The following BMPER variants were observed in gnomAD, a reference collection of about 807,000 sequenced individuals.
BMPER encodes BMP binding endothelial regulator.
BMPER carries 45 observed loss-of-function variants against 87.3 expected under a neutral mutation model. The ratio of observed to expected loss-of-function variants is 0.52; its 90% CI spans 0.41 to 0.66. BMPER has a LOEUF of 0.66. BMPER is among the 30% of genes least tolerant of loss of function. The pLI, the probability that BMPER is intolerant of heterozygous loss-of-function variation, is 0.00. For synonymous variants in BMPER, 326 were observed against 316.2 expected (o/e 1.03, Z -0.33); for missense variants, 784 against 867.5 (o/e 0.90, Z 1.21).
At chr7:34,079,528 C>T (rs1023611874) in intron 12 of BMPER, among the ~76,000 whole-genome samples, 1 of 152,188 alleles carries the variant, frequency 6.6e-6, no homozygotes, top group African/African-American at 2.4e-5. Flanking sequence ...TTTTGTTGCT[C>T]TTTTAGGCCG....
At chr7:34,116,861 A>T (rs1160403482) in intron 13 of BMPER, among the ~76,000 whole-genome samples, 1 of 152,016 alleles carries the variant, frequency 6.6e-6, no homozygotes, top group East Asian at 1.9e-4. Flanking sequence ...GTGGTGGTGC[A>T]CACCTGTAAT....
intron 13 of BMPER, among the ~76,000 whole-genome samples, chr7:34,097,544 G>A (rs887339104): frequency 1.3e-5 from 2 of 152,058 alleles, no homozygotes; most frequent in East Asian, 1.9e-4. Context: ...CATAGCCTAT[G>A]TGTTAGGTCC....
chr7:33,985,539 A>G (rs985480511), intron 6 of BMPER, among the ~76,000 whole-genome samples: 5 of 152,138 alleles, frequency 3.3e-5, no homozygotes, highest in African/African-American at 9.7e-5. Context: ...AACGAATCAA[A>G]TATCTTAAGG....
chr7:33,927,986 G>A (rs1784398943), intron 2 of BMPER, among the ~76,000 whole-genome samples: 1 of 152,176 alleles, frequency 6.6e-6, no homozygotes, highest in Non-Finnish European at 1.5e-5. Context: ...ATAACCAGAG[G>A]TGTTGAGGAA....
chr7:33,974,866 C>T (rs545354235), intron 6 of BMPER, 82 bp downstream of exon 6: 1 of 1,327,980 alleles, frequency 7.5e-7, no homozygotes, highest in Admixed American at 1.7e-5. Context: ...CCGGTCTCTA[C>T]AGCCTCTCTC....
intron 2 of BMPER, among the ~76,000 whole-genome samples, chr7:33,930,108 G>A (rs1349571975): frequency 6.6e-6 from 1 of 152,190 alleles, no homozygotes; most frequent in Non-Finnish European, 1.5e-5. Context: ...GAGGTCTTGG[G>A]TGAAACCACT....
rs928097381 is a variant in BMPER at position 34,021,227 on chromosome 7, T to C, written c.577-25079T>C. Among the ~76,000 whole-genome samples, 7 of 152,074 alleles carry C rather than the reference T, an allele frequency of 4.6e-5. No individual in the cohort carries two copies. The South Asian group carries it at 1.4e-3, about 31-fold the overall frequency. ...GATGTTTGTTATCCCATGAATTCTT[T>C]GGCAACACTGAATGATCAATTGTAA... On this transcript the variant is annotated intron_variant, in intron 6 of 14. Transcript: ENST00000649409.
intron 12 of BMPER, among the ~76,000 whole-genome samples, 170 bp from the exon 13 acceptor site, chr7:34,085,586 C>T (rs1370679876): frequency 6.6e-6 from 1 of 152,184 alleles, no homozygotes; most frequent in Non-Finnish European, 1.5e-5. Flanking sequence ...GATAATTTCA[C>T]ACATTATTCA....
chr7:34,147,724 C>A (rs1336201542), intron 14 of BMPER, among the ~76,000 whole-genome samples: 2 of 152,208 alleles, frequency 1.3e-5, no homozygotes, highest in African/African-American at 4.8e-5. Context: ...CCTGCCTCAG[C>A]CTCCTAAAGT....
intron 11 of BMPER, among the ~76,000 whole-genome samples, chr7:34,069,566 A>T (rs1169480762): frequency 6.6e-6 from 1 of 152,184 alleles, no homozygotes; most frequent in Non-Finnish European, 1.5e-5. Flanking sequence ...GTGGTCAGCT[A>T]ATACACTGGC....
At chr7:34,069,798 G>A (rs1788691314) in intron 11 of BMPER, among the ~76,000 whole-genome samples, 2 of 152,008 alleles carry the variant, frequency 1.3e-5, no homozygotes, top group Admixed American at 6.5e-5. Flanking sequence ...AGTCTCTTAG[G>A]TTACAATACT....
intron 4 of BMPER, 139 bp from the exon 5 acceptor site, chr7:33,970,190 T>A: frequency 1.3e-6 from 1 of 779,118 alleles, no homozygotes; most frequent in Non-Finnish European, 2.3e-6. Flanking sequence ...CTCGTTGGTG[T>A]CTCATACCTC....
intron 3 of BMPER, among the ~76,000 whole-genome samples, chr7:33,956,456 A>G (rs907074119): frequency 2.0e-5 from 3 of 152,204 alleles, no homozygotes; most frequent in African/African-American, 7.2e-5. Flanking sequence ...AAAAATGTAA[A>G]CATCGAACCC....
At chr7:34,048,276 GCTT>G (rs1788043365) in intron 7 of BMPER, among the ~76,000 whole-genome samples, 1 of 151,924 alleles carries the variant, frequency 6.6e-6, no homozygotes, top group Admixed American at 6.6e-5. Context: ...CTCTTTGATG[GCTT>G]CTTCTGCTAA....
intron 13 of BMPER, among the ~76,000 whole-genome samples, chr7:34,116,201 T>G (rs4723351): frequency 0.59 from 89,837 of 152,092 alleles, 26,994 homozygotes; most frequent in East Asian, 0.83. Context: ...GGGACCTTCC[T>G]GTCTTATTTA....
intron 13 of BMPER, among the ~76,000 whole-genome samples, chr7:34,102,562 C>T (rs900724229): frequency 1.3e-5 from 2 of 152,182 alleles, no homozygotes; most frequent in African/African-American, 4.8e-5. Flanking sequence ...TAACCACATA[C>T]ATAGAGTGGA....
chr7:34,067,704 C>T (rs1788629607), intron 11 of BMPER, among the ~76,000 whole-genome samples: 1 of 152,192 alleles, frequency 6.6e-6, no homozygotes, highest in South Asian at 2.1e-4. Context: ...TGACACTGTT[C>T]CTCAGGCCCA....
intron 2 of BMPER, chr7:33,921,738 GGACGAAGCT>G (rs1784234428): frequency 2.1e-6 from 1 of 470,942 alleles, no homozygotes; most frequent in Non-Finnish European, 4.4e-6. Flanking sequence ...AGCAGCTGCA[GGACGAAGCT>G]GACGTGACGT....
chr7:34,074,571 G>A (rs1788815724), intron 11 of BMPER, among the ~76,000 whole-genome samples: 1 of 152,118 alleles, frequency 6.6e-6, no homozygotes, highest in African/African-American at 2.4e-5. Flanking sequence ...GTGATCTCGT[G>A]GGGCCTGTTT....
Sources: allele counts gnomAD v4.1 joint callset (sites outside exome capture counted in the v4.1 genomes callset), GRCh38; gene constraint gnomAD v4.1.1; transcripts MANE v1.5; gene names NCBI Gene and HGNC (gene_info 2026-07-23, HGNC 2026-07-21).